The following SLC2A13 variants were observed in gnomAD, a reference collection of about 807,000 sequenced individuals.
The protein encoded by SLC2A13 is solute carrier family 2 member 13, also known as proton myo-inositol cotransporter.
In SLC2A13, 32 loss-of-function variants were observed where a neutral mutation model predicts 64.4. The ratio of observed to expected loss-of-function variants is 0.50; its 90% CI spans 0.37 to 0.67. The LOEUF (loss-of-function observed/expected upper bound fraction) is 0.67. Ranked by LOEUF, SLC2A13 falls within the 30% of genes least tolerant of loss-of-function variation. SLC2A13 has a pLI of 0.00. For missense variants in SLC2A13, 743 were observed against 829.2 expected, an observed-to-expected ratio of 0.90 and a Z score of 1.28; for synonymous variants, 338 against 327.1, an observed-to-expected ratio of 1.03 and a Z score of -0.36.
At chr12:40,050,909 G>A (rs1948243640) in intron 1 of SLC2A13, among the ~76,000 whole-genome samples, 1 of 152,180 alleles carries the variant, frequency 6.6e-6, no homozygotes, top group African/African-American at 2.4e-5. Context: ...CTTCATAGGA[G>A]TTGAGAGGAT....
At chr12:39,762,700 C>T (rs934970510) in intron 9 of SLC2A13, among the ~76,000 whole-genome samples, 2 of 151,890 alleles carry the variant, frequency 1.3e-5, no homozygotes, top group Non-Finnish European at 2.9e-5. Context: ...AATATAAATG[C>T]ATAGCTTACA....
chr12:40,042,953 A>G (rs1420765191), intron 2 of SLC2A13, among the ~76,000 whole-genome samples: 1 of 126,946 alleles, frequency 7.9e-6, no homozygotes, highest in Non-Finnish European at 1.7e-5. Context: ...AAAAGAGCAT[A>G]AGAATGAAAA....
chr12:39,892,045 A>T lies in SLC2A13; in HGVS notation c.1035-20084T>A, dbSNP rs910407828. Reference sequence around the variant, plus strand: ...TCTACTCTCCTATAAAGAAGAGAAGATCTATTAGGTAATTTCTGGCCTTAA... The same window carrying T: ...TCTACTCTCCTATAAAGAAGAGAAGTTCTATTAGGTAATTTCTGGCCTTAA... On this transcript the variant is annotated intron_variant, in intron 4 of 9. Coordinates refer to ENST00000280871, the MANE Select transcript of SLC2A13 (RefSeq NM_052885.4). Among the ~76,000 whole-genome samples, 8 of 152,238 alleles carry T rather than the reference A, an allele frequency of 5.3e-5. No homozygotes were observed. In the South Asian group the frequency reaches 1.0e-3, roughly 20 times the overall value.
At chr12:39,964,935 A>C (rs986362287) in intron 3 of SLC2A13, among the ~76,000 whole-genome samples, 2 of 152,214 alleles carry the variant, frequency 1.3e-5, no homozygotes, top group Admixed American at 6.5e-5. Context: ...CTACACATTA[A>C]GTATGAATCA....
intron 6 of SLC2A13, among the ~76,000 whole-genome samples, chr12:39,853,573 CCTTT>C (rs1238792113): frequency 1.1e-4 from 16 of 151,136 alleles, no homozygotes; most frequent in African/African-American, 3.4e-4. Flanking sequence ...CTTTTTCCTT[CCTTT>C]CTTCCTTCCT....
At chr12:39,977,154 G>C (rs1203774438) in intron 3 of SLC2A13, among the ~76,000 whole-genome samples, 1 of 152,120 alleles carries the variant, frequency 6.6e-6, no homozygotes, top group Non-Finnish European at 1.5e-5. Context: ...CTAGATTCAA[G>C]CTCTATATAG....
intron 4 of SLC2A13, among the ~76,000 whole-genome samples, chr12:39,939,252 G>A (rs1945978015): frequency 6.6e-6 from 1 of 152,098 alleles, no homozygotes. Flanking sequence ...TTAGGGCCTG[G>A]TTTTGGGGCA....
chr12:39,797,744 A>G (rs199850525), intron 7 of SLC2A13, among the ~76,000 whole-genome samples: 25,116 of 150,172 alleles, frequency 0.17, 2,300 homozygotes, highest in South Asian at 0.29. Context: ...ACACACACAC[A>G]CACACACACA....
intron 3 of SLC2A13, among the ~76,000 whole-genome samples, chr12:39,999,460 T>C (rs1424407932): frequency 6.6e-6 from 1 of 152,110 alleles, no homozygotes; most frequent in African/African-American, 2.4e-5. Flanking sequence ...AAACAGCCGC[T>C]CTGGGAGTGT....
chr12:39,883,512 C>T (rs749712838), intron 4 of SLC2A13, among the ~76,000 whole-genome samples: 33 of 152,056 alleles, frequency 2.2e-4, no homozygotes, highest in Non-Finnish European at 3.4e-4. Context: ...CCAAACAGGA[C>T]GGAAAAAGGT....
intron 7 of SLC2A13, among the ~76,000 whole-genome samples, chr12:39,813,866 T>C (rs1404475713): frequency 6.6e-6 from 1 of 152,230 alleles, no homozygotes; most frequent in Non-Finnish European, 1.5e-5. Context: ...ATTTTAAAAT[T>C]GGAGTTTCCA....
intron 1 of SLC2A13, among the ~76,000 whole-genome samples, chr12:40,063,087 A>G (rs781526716): frequency 2.0e-5 from 3 of 152,140 alleles, no homozygotes; most frequent in Non-Finnish European, 2.9e-5. Flanking sequence ...TTCTATTAAT[A>G]CCATTTTCCG....
chr12:39,850,416 A>G (rs980723075), intron 6 of SLC2A13, among the ~76,000 whole-genome samples: 1 of 152,206 alleles, frequency 6.6e-6, no homozygotes, highest in Non-Finnish European at 1.5e-5. Context: ...GTTAGTTTGC[A>G]TAAGAAAAGA....
intron 1 of SLC2A13, among the ~76,000 whole-genome samples, chr12:40,052,974 T>A (rs962403765): frequency 1.3e-5 from 2 of 152,120 alleles, no homozygotes; most frequent in African/African-American, 4.8e-5. Flanking sequence ...TATCATTTTG[T>A]CTTATCATGT....
intron 6 of SLC2A13, among the ~76,000 whole-genome samples, chr12:39,836,323 C>A (rs1287593025): frequency 6.6e-6 from 1 of 152,052 alleles, no homozygotes; most frequent in Non-Finnish European, 1.5e-5. Flanking sequence ...AGAGTCCAGG[C>A]AAGTACAGTT....
chr12:39,821,112 TC>T (rs1942494840), intron 7 of SLC2A13, among the ~76,000 whole-genome samples: 1 of 152,100 alleles, frequency 6.6e-6, no homozygotes, highest in Non-Finnish European at 1.5e-5. Flanking sequence ...TCTTTAGAGT[TC>T]CTTTTATAAC....
At chr12:39,842,207 A>T (rs1488803745) in intron 6 of SLC2A13, among the ~76,000 whole-genome samples, 1 of 152,068 alleles carries the variant, frequency 6.6e-6, no homozygotes, top group Admixed American at 6.6e-5. Context: ...ATAAGCTAAA[A>T]CTAAAAGTAG....
chr12:40,016,789 T>G (rs1469615911), intron 3 of SLC2A13, among the ~76,000 whole-genome samples: 1 of 152,200 alleles, frequency 6.6e-6, no homozygotes, highest in African/African-American at 2.4e-5. Context: ...ACATGAGATT[T>G]TATAACTTTC....
At chr12:40,099,926 C>T (rs751532722) in intron 1 of SLC2A13, among the ~76,000 whole-genome samples, 11 of 152,070 alleles carry the variant, frequency 7.2e-5, no homozygotes, top group Admixed American at 2.0e-4. Context: ...GAGCACCTCC[C>T]CCCAAAACTG....
Sources: allele counts gnomAD v4.1 joint callset (sites outside exome capture counted in the v4.1 genomes callset), GRCh38; gene constraint gnomAD v4.1.1; transcripts MANE v1.5; gene names NCBI Gene and HGNC (gene_info 2026-07-23, HGNC 2026-07-21).